OR51B5: variants seen among roughly 807,000 people sequenced by gnomAD.
OR51B5 encodes the protein olfactory receptor family 51 subfamily B member 5, also known as olfactory receptor 51B5.
For synonymous variants in OR51B5, 186 were observed against 144.8 expected, an observed-to-expected ratio of 1.28 and a Z score of -2.04; for missense variants, 456 against 374.6, an observed-to-expected ratio of 1.22 and a Z score of -1.79.
intron 1 of OR51B5, among the ~76,000 whole-genome samples, chr11:5,442,952 G>A (rs1234437400): frequency 6.6e-6 from 1 of 152,060 alleles, no homozygotes; most frequent in Non-Finnish European, 1.5e-5. Flanking sequence ...GTCCACAATT[G>A]TATTTCTTCC....
intron 1 of OR51B5, among the ~76,000 whole-genome samples, chr11:5,382,033 A>G (rs1237842281): frequency 2.6e-5 from 4 of 152,324 alleles, no homozygotes; most frequent in East Asian, 1.9e-4. Context: ...TCCTTCCTGC[A>G]TATTGTTAAC....
intron 1 of OR51B5, among the ~76,000 whole-genome samples, chr11:5,413,797 C>G (rs1013341052): frequency 2.2e-4 from 34 of 151,756 alleles, no homozygotes; most frequent in Non-Finnish European, 4.0e-4. Flanking sequence ...AAGACCAAAT[C>G]TACATCTGAT....
intron 1 of OR51B5, chr11:5,355,625 TATC>T (rs1849181465): frequency 6.6e-6 from 1 of 152,270 alleles, no homozygotes; most frequent in African/African-American, 2.4e-5. Context: ...GCAGGAAAAA[TATC>T]ATCTTCACAG....
chr11:5,374,261 A>G (rs1793875674), intron 1 of OR51B5, among the ~76,000 whole-genome samples: 1 of 152,196 alleles, frequency 6.6e-6, no homozygotes, highest in Admixed American at 6.5e-5. Context: ...ACAGACCTGC[A>G]GCTGAGGGTC....
At chr11:5,343,681 TCA>T, upstream of OR51B5, 1 of 529,922 alleles carries the variant, frequency 1.9e-6, no homozygotes, top group Non-Finnish European at 3.3e-6. Flanking sequence ...AAATACATTC[TCA>T]GGGTTACTCA....
intron 1 of OR51B5, among the ~76,000 whole-genome samples, chr11:5,414,117 G>A (rs1207476110): frequency 6.6e-6 from 1 of 151,830 alleles, no homozygotes; most frequent in African/African-American, 2.4e-5. Flanking sequence ...GAAGAGAGTG[G>A]GGGCCAATAT....
At chr11:5,363,457 A>ACT (rs10565063) in intron 1 of OR51B5, among the ~76,000 whole-genome samples, 2 of 150,078 alleles carry the variant, frequency 1.3e-5, no homozygotes, top group Admixed American at 6.6e-5. Flanking sequence ...ATACACACAC[A>ACT]CTCTCTCTCT....
chr11:5,344,980 C>T (rs1249161596), upstream of OR51B5, among the ~76,000 whole-genome samples: 1 of 152,068 alleles, frequency 6.6e-6, no homozygotes, highest in East Asian at 1.9e-4. Context: ...GAAAACCTGA[C>T]CGTATACAGA....
At chr11:5,454,364 T>C in intron 1 of OR51B5, 6 of 1,613,902 alleles carry the variant, frequency 3.7e-6, no homozygotes, top group South Asian at 1.1e-5. Flanking sequence ...CTCTCATTTA[T>C]AGCGCCAAGA....
intron 1 of OR51B5, among the ~76,000 whole-genome samples, chr11:5,376,428 C>G (rs1354931848): frequency 6.6e-6 from 1 of 152,000 alleles, no homozygotes; most frequent in Non-Finnish European, 1.5e-5. Flanking sequence ...CAAACACATT[C>G]AAAAGCTAGC....
chr11:5,474,141 C>T (rs1564825483), intron 1 of OR51B5, among the ~76,000 whole-genome samples: 2 of 152,068 alleles, frequency 1.3e-5, no homozygotes, highest in Admixed American at 6.6e-5. Context: ...CATAAACTTA[C>T]AACAATCTTC....
chr11:5,360,352 AAAG>A (rs1307918558), intron 1 of OR51B5, among the ~76,000 whole-genome samples: 2 of 152,102 alleles, frequency 1.3e-5, no homozygotes, highest in African/African-American at 4.8e-5. Flanking sequence ...ACACTTCTCA[AAAG>A]AAGACATTTA....
chr11:5,487,797 C>T lies in OR51B5; in HGVS notation n.84+17772G>A, dbSNP rs16931604. On this transcript the variant is annotated intron_variant and non_coding_transcript_variant, in intron 1 of 4. Transcript: ENST00000415970. ...TATAGTGGTGGATTGGAGGACTATA[C>T]GCTGGCTTTGTCATGGTTGAGTGCA... 7.0e-3 allele frequency among the ~76,000 whole-genome samples: 1,066 copies of T among 152,188 alleles called. 14 individuals carry two copies. Among genetic ancestry groups the T allele is most frequent in the African/African-American group, 0.025 (1,021 of 41,522 alleles).
chr11:5,350,296 C>A (rs1849058526), intron 1 of OR51B5, among the ~76,000 whole-genome samples: 1 of 152,180 alleles, frequency 6.6e-6, no homozygotes, highest in Non-Finnish European at 1.5e-5. Flanking sequence ...GAAACTTCAA[C>A]AAATTCTTCT....
chr11:5,479,120 G>C (rs1851367615), intron 1 of OR51B5, among the ~76,000 whole-genome samples: 1 of 149,454 alleles, frequency 6.7e-6, no homozygotes, highest in South Asian at 2.1e-4. Flanking sequence ...AGAAAGGTCG[G>C]GTTACCCTCA....
chr11:5,441,711 T>C (rs905127969), intron 1 of OR51B5, among the ~76,000 whole-genome samples: 1 of 152,186 alleles, frequency 6.6e-6, no homozygotes, highest in African/African-American at 2.4e-5. Flanking sequence ...AGGGCCCTGC[T>C]CACTATCTAG....
chr11:5,407,879 T>C (rs1021909730), intron 1 of OR51B5, among the ~76,000 whole-genome samples: 2 of 152,072 alleles, frequency 1.3e-5, no homozygotes, highest in African/African-American at 2.4e-5. Flanking sequence ...AATGATTAAT[T>C]TTGTATCCAC....
At chr11:5,416,877 C>G (rs895518463) in intron 1 of OR51B5, among the ~76,000 whole-genome samples, 5 of 151,864 alleles carry the variant, frequency 3.3e-5, no homozygotes, top group Non-Finnish European at 7.4e-5. Context: ...GATTCAATGC[C>G]ATCCCCATCA....
chr11:5,422,544 C>T (rs149131065), intron 1 of OR51B5: 5 of 1,614,144 alleles, frequency 3.1e-6, no homozygotes, highest in Non-Finnish European at 3.4e-6. Context: ...ATGGAGTCTT[C>T]TGTCCTCCTG....
Sources: gnomAD v4.1 joint callset for allele counts (sites outside exome capture counted in the v4.1 genomes callset) on GRCh38, gnomAD v4.1.1 for gene constraint, MANE v1.5 for transcripts, NCBI Gene and HGNC (gene_info 2026-07-23, HGNC 2026-07-21) for gene names.